FAM76A: variants seen among roughly 807,000 people sequenced by gnomAD.
FAM76A encodes protein FAM76A.
FAM76A carries 32 observed loss-of-function variants against 46.2 expected under a neutral mutation model. That is an observed-to-expected ratio of 0.69 (90% confidence interval 0.52 to 0.93). The LOEUF (loss-of-function observed/expected upper bound fraction) is 0.93. FAM76A is among the 40% of genes least tolerant of loss of function. The pLI, the probability that FAM76A is intolerant of heterozygous loss-of-function variation, is 0.00. For synonymous variants in FAM76A, 137 were observed against 127.0 expected (o/e 1.08, Z -0.53); for missense variants, 274 against 361.5 (o/e 0.76, Z 1.96).
chr1:27,732,657 G>A lies in FAM76A; in HGVS notation c.201G>A (p.Thr67=), dbSNP rs1317122552. 7 of 1,604,868 alleles carry A rather than the reference G, an allele frequency of 4.4e-6. No homozygotes were observed. Among genetic ancestry groups the A allele is most frequent in the Admixed American group, 1.7e-5 (1 of 59,934 alleles). The part of the protein sequence containing the change: ...KCAQNVQLYG[T]PKPCQYCNII... The stretch of plus-strand genomic sequence containing the variant: ...CTCAGAACGTGCAGTTGTATGGAAC[G>A]GTAAGTAGGATATTTTCAAACCTAA... Residue 67 remains threonine, a splice_region_variant and synonymous_variant, in exon 3 of 9, where the codon ACG becomes ACA. Transcript: ENST00000373954.
intron 4 of FAM76A, among the ~76,000 whole-genome samples, chr1:27,737,199 TC>T (rs2088063490): frequency 1.3e-5 from 2 of 152,198 alleles, no homozygotes; most frequent in Non-Finnish European, 1.5e-5. Context: ...TCTACCCGCC[TC>T]AGCCTCCCAA....
At chr1:27,729,655 A>G (rs977708150) in intron 2 of FAM76A, among the ~76,000 whole-genome samples, 4 of 152,142 alleles carry the variant, frequency 2.6e-5, no homozygotes, top group Non-Finnish European at 1.5e-5. Context: ...ATATCAATTC[A>G]TTTTATTTCT....
intron 6 of FAM76A, among the ~76,000 whole-genome samples, chr1:27,750,516 A>C (rs915960622): frequency 9.9e-5 from 15 of 152,188 alleles, no homozygotes; most frequent in Admixed American, 3.3e-4. Flanking sequence ...CAAGGAATGA[A>C]CTTTTTGAAC....
At chr1:27,739,580 A>G in intron 4 of FAM76A, 2 of 314,802 alleles carry the variant, frequency 6.4e-6, no homozygotes, top group Non-Finnish European at 1.2e-5. Flanking sequence ...TGAGCCCAGG[A>G]GTTGGAGACC....
intron 2 of FAM76A, 118 bp from the exon 3 acceptor site, chr1:27,732,485 C>G (rs2087975963): frequency 1.5e-6 from 1 of 660,612 alleles, no homozygotes; most frequent in African/African-American, 1.8e-5. Context: ...TAGTGTTAAC[C>G]AAGCATCCAG....
At chr1:27,739,209 C>G in intron 4 of FAM76A, 2 of 451,962 alleles carry the variant, frequency 4.4e-6, no homozygotes, top group Non-Finnish European at 8.8e-6. Context: ...AGCTGGTGCC[C>G]CTATTGTATG....
intron 6 of FAM76A, among the ~76,000 whole-genome samples, chr1:27,752,260 AT>A (rs35266446): frequency 7.3e-5 from 11 of 151,308 alleles, no homozygotes; most frequent in East Asian, 3.9e-4. Flanking sequence ...TTAGCCTTCT[AT>A]TTTTTTTAGA....
chr1:27,754,173 C>T (rs1389243892), intron 6 of FAM76A, among the ~76,000 whole-genome samples: 3 of 133,610 alleles, frequency 2.2e-5, no homozygotes, highest in Non-Finnish European at 3.1e-5. Context: ...ATGGCGCAAT[C>T]TTGGCTCACT....
chr1:27,746,045 G>A (rs965488538), intron 5 of FAM76A, among the ~76,000 whole-genome samples: 7 of 152,082 alleles, frequency 4.6e-5, no homozygotes, highest in African/African-American at 1.7e-4. Flanking sequence ...CTACTAGTGT[G>A]GAAAATGCAT....
chr1:27,726,178 G>A lies in FAM76A; in HGVS notation c.81+17G>A. Reference sequence around the variant, plus strand: ...CTGTGCAAGGTGCGCGGGCTGGGGCGGCGGCCGGGAACTGGGGACGCAGGA... The same window carrying A: ...CTGTGCAAGGTGCGCGGGCTGGGGCAGCGGCCGGGAACTGGGGACGCAGGA... On this transcript the variant is annotated intron_variant, in intron 1 of 8. Transcript: ENST00000373954. The A allele has an allele frequency of 5.5e-6, 7 of 1,273,864 alleles. No homozygotes were observed. The highest frequency in any genetic ancestry group is 6.9e-6 in the Non-Finnish European group (7 of 1,009,948). 78.9% of individuals were successfully genotyped at this position (1,273,864 alleles called of 1,614,324 possible).
At chr1:27,742,799 G>A (rs1239783278) in intron 4 of FAM76A, among the ~76,000 whole-genome samples, 2 of 152,136 alleles carry the variant, frequency 1.3e-5, no homozygotes, top group Non-Finnish European at 2.9e-5. Context: ...AGTGGCTCAC[G>A]CCTGTAATCC....
chr1:27,743,360 C>T (rs757389783), intron 4 of FAM76A, among the ~76,000 whole-genome samples: 3 of 152,148 alleles, frequency 2.0e-5, no homozygotes, highest in Non-Finnish European at 4.4e-5. Flanking sequence ...TGCCACATTG[C>T]CCCGAGTAGT....
intron 4 of FAM76A, among the ~76,000 whole-genome samples, chr1:27,737,940 C>T (rs534072918): frequency 6.7e-6 from 1 of 149,672 alleles, no homozygotes; most frequent in South Asian, 2.1e-4. Flanking sequence ...GTGGTTCCAG[C>T]TACCTGGGAG....
intron 4 of FAM76A, among the ~76,000 whole-genome samples, chr1:27,738,892 T>C (rs1186634978): frequency 6.6e-6 from 1 of 152,086 alleles, no homozygotes; most frequent in African/African-American, 2.4e-5. Flanking sequence ...CATGGGAAGC[T>C]CTGGAGGACA....
chr1:27,762,840 A>G lies in FAM76A; in HGVS notation c.*2259A>G, dbSNP rs914176391. On this transcript the variant is annotated 3_prime_UTR_variant, in exon 9 of 9. Transcript: ENST00000373954. ...ATAAAAACATACTTAGTTTTATACT[A>G]AATCTTTTTTTAAGGTCTTGGCATT... is the stretch of plus-strand genomic sequence containing the variant. The G allele has an allele frequency of 6.6e-6, 1 of 152,192 alleles. No homozygotes were observed. The highest frequency in any genetic ancestry group is 1.5e-5 in the Non-Finnish European group (1 of 68,032). 9.4% of individuals were successfully genotyped at this position (152,192 alleles called of 1,614,324 possible).
At chr1:27,756,300 T>C (rs998291217) in intron 7 of FAM76A, among the ~76,000 whole-genome samples, 1 of 152,200 alleles carries the variant, frequency 6.6e-6, no homozygotes. Flanking sequence ...TAGTTTATCT[T>C]CAGTATTAAT....
intron 4 of FAM76A, among the ~76,000 whole-genome samples, chr1:27,737,560 C>G (rs1370205912): frequency 6.6e-6 from 1 of 151,294 alleles, no homozygotes; most frequent in Non-Finnish European, 1.5e-5. Context: ...ATTAAAAATA[C>G]AAAAATCTCG....
chr1:27,741,627 T>C (rs2088155523), intron 4 of FAM76A, among the ~76,000 whole-genome samples: 1 of 151,636 alleles, frequency 6.6e-6, no homozygotes, highest in South Asian at 2.1e-4. Context: ...ACACCTGTAA[T>C]CCCAGCACTT....
In FAM76A at chr1:27,762,977, A is replaced by G. The variant is rs1199656855; in HGVS notation, c.*2396A>G. On this transcript the variant is annotated 3_prime_UTR_variant, in exon 9 of 9. Coordinates refer to ENST00000373954, the MANE Select transcript of FAM76A (RefSeq NM_152660.3). ...TTAAAAATCATGACACTGTTTTACC[A>G]TGAAATTGAGTAGCTAACTTTTGGT... 6.6e-6 allele frequency: 1 copy of G among 152,218 alleles called. No homozygotes were observed. Among genetic ancestry groups the G allele is most frequent in the Non-Finnish European group, 1.5e-5 (1 of 68,030 alleles). The allele number at this position is 152,218 out of a possible 1,614,324, so 9.4% of individuals were successfully genotyped here. A position where few individuals can be genotyped will look rare whatever the true frequency, so the allele number is the denominator to read the frequency against.
Sources: allele counts gnomAD v4.1 joint callset (sites outside exome capture counted in the v4.1 genomes callset), GRCh38; gene constraint gnomAD v4.1.1; transcripts MANE v1.5; gene names NCBI Gene and HGNC (gene_info 2026-07-23, HGNC 2026-07-21).